The following TMOD1 variants were observed in gnomAD, a reference collection of about 807,000 sequenced individuals.
The protein encoded by TMOD1 is tropomodulin-1.
A neutral mutation model predicts 40.6 loss-of-function variants in TMOD1; 17 were observed. The ratio of observed to expected loss-of-function variants is 0.42; its 90% CI spans 0.29 to 0.63. The LOEUF (loss-of-function observed/expected upper bound fraction) is 0.63. Ranked by LOEUF, TMOD1 falls within the 20% of genes least tolerant of loss-of-function variation. The pLI is 0.22. For synonymous variants in TMOD1, 181 were observed against 175.0 expected, an observed-to-expected ratio of 1.03 and a Z score of -0.27; for missense variants, 391 against 447.6, an observed-to-expected ratio of 0.87 and a Z score of 1.14.
intron 4 of TMOD1, among the ~76,000 whole-genome samples, chr9:97,559,819 A>ATCTATCTATCTATCTATCTATC (rs1420899902): frequency 2.4e-5 from 1 of 41,330 alleles, no homozygotes; most frequent in African/African-American, 9.2e-5. Context: ...ATATATATAT[A>ATCTATCTATCTATCTATCTATC]TATATGTCTA....
At position 97,601,163 on chromosome 9, in the gene TMOD1, AT is replaced by A. The variant is rs968934473; in HGVS notation, c.*1466del. 1.5e-6 allele frequency: 2 copies of A among 1,301,760 alleles called. No homozygotes were observed. The highest frequency in any genetic ancestry group is 3.0e-5 in the African/African-American group (2 of 65,768). 80.6% of individuals were successfully genotyped at this position (1,301,760 alleles called of 1,614,324 possible). ...GTGGCACCATGTTGCAGGGACAACC[AT>A]CCCCATTTGGCTTCTCCTTAAAACA... is the stretch of plus-strand genomic sequence containing the variant. On this transcript the variant is annotated 3_prime_UTR_variant, in exon 10 of 10. Coordinates refer to ENST00000259365, the MANE Select transcript of TMOD1 (RefSeq NM_003275.4).
chr9:97,545,785 G>A (rs1830351106), intron 2 of TMOD1, among the ~76,000 whole-genome samples: 1 of 152,160 alleles, frequency 6.6e-6, no homozygotes. Context: ...CTCAACTCCT[G>A]TGAATATCTT....
At chr9:97,508,747 C>G (rs1026470665) in intron 1 of TMOD1, among the ~76,000 whole-genome samples, 1 of 152,084 alleles carries the variant, frequency 6.6e-6, no homozygotes, top group Admixed American at 6.5e-5. Context: ...CAGGGTCCCC[C>G]CCAAAAGTCA....
intron 1 of TMOD1, among the ~76,000 whole-genome samples, chr9:97,503,765 T>C (rs1258892356): frequency 6.6e-6 from 1 of 152,216 alleles, no homozygotes; most frequent in African/African-American, 2.4e-5. Context: ...GGAGGTGGAC[T>C]GGCCTGGAGG....
At chr9:97,538,786 G>A (rs1830229177) in intron 2 of TMOD1, among the ~76,000 whole-genome samples, 1 of 151,878 alleles carries the variant, frequency 6.6e-6, no homozygotes, top group South Asian at 2.1e-4. Context: ...CACGAGATCA[G>A]GAGTTTGACA....
At chr9:97,587,135 GGTTT>G (rs898424823) in intron 8 of TMOD1, among the ~76,000 whole-genome samples, 2 of 152,142 alleles carry the variant, frequency 1.3e-5, no homozygotes, top group African/African-American at 2.4e-5. Flanking sequence ...GATGTACCAG[GGTTT>G]GTTTGACCAC....
intron 2 of TMOD1, among the ~76,000 whole-genome samples, chr9:97,531,530 G>A (rs897527960): frequency 4.6e-5 from 7 of 152,146 alleles, no homozygotes; most frequent in Non-Finnish European, 7.3e-5. Context: ...AGAATTGTTC[G>A]GACCTGGGAG....
At chr9:97,545,393 C>G (rs992248452) in intron 2 of TMOD1, among the ~76,000 whole-genome samples, 1 of 152,214 alleles carries the variant, frequency 6.6e-6, no homozygotes, top group Non-Finnish European at 1.5e-5. Flanking sequence ...TCCAATCCCC[C>G]CAATAGGAAT....
intron 7 of TMOD1, among the ~76,000 whole-genome samples, chr9:97,567,271 T>A (rs1439987865): frequency 6.6e-6 from 1 of 152,156 alleles, no homozygotes; most frequent in Non-Finnish European, 1.5e-5. Flanking sequence ...ACCAAGCACA[T>A]CCATTCTGGC....
intron 9 of TMOD1, among the ~76,000 whole-genome samples, chr9:97,596,526 CAAG>C (rs1045634549): frequency 6.6e-5 from 10 of 152,342 alleles, no homozygotes; most frequent in African/African-American, 2.4e-4. Context: ...CCACACTTTA[CAAG>C]AAGGAAACAG....
chr9:97,556,201 C>T (rs1830534259), intron 4 of TMOD1, among the ~76,000 whole-genome samples: 1 of 152,122 alleles, frequency 6.6e-6, no homozygotes, highest in African/African-American at 2.4e-5. Context: ...TGCAGCTTCA[C>T]CAAGAGCCCA....
chr9:97,514,615 C>T (rs1383945004), intron 1 of TMOD1, among the ~76,000 whole-genome samples: 2 of 152,190 alleles, frequency 1.3e-5, no homozygotes, highest in African/African-American at 4.8e-5. Flanking sequence ...CTTCCCACTC[C>T]TGCTGGGCTG....
At chr9:97,516,249 T>C (rs918369541) in intron 1 of TMOD1, 4 of 151,954 alleles carry the variant, frequency 2.6e-5, no homozygotes, top group African/African-American at 9.7e-5. Flanking sequence ...GGCGCTGAGA[T>C]GTGCAGATGT....
At chr9:97,584,076 T>G (rs1399391466) in intron 8 of TMOD1, among the ~76,000 whole-genome samples, 1 of 149,894 alleles carries the variant, frequency 6.7e-6, no homozygotes, top group Non-Finnish European at 1.5e-5. Context: ...CTTTTCTAGT[T>G]CTTTTAATTG....
In TMOD1 at chr9:97,502,151, C is replaced by A. The variant is rs1280726697; in HGVS notation, c.-49+348C>A. Among the ~76,000 whole-genome samples, 1 of 151,922 alleles carries A rather than the reference C, an allele frequency of 6.6e-6. No individual in the cohort carries two copies. Among genetic ancestry groups the A allele is most frequent in the Non-Finnish European group, 1.5e-5 (1 of 67,950 alleles). On this transcript the variant is annotated intron_variant, in intron 1 of 9. Coordinates refer to ENST00000259365, the MANE Select transcript of TMOD1 (RefSeq NM_003275.4). This position sits in a 1 kb window ranked among gnomAD's most constrained non-coding sequence, Gnocchi z 6.1. Reference sequence around the variant, plus strand: ...GGGCTGGGGTCCTGGCGGAGGGGCGCCCCCGCCACCCGCAGGACTCCAGCG... The same window carrying A: ...GGGCTGGGGTCCTGGCGGAGGGGCGACCCCGCCACCCGCAGGACTCCAGCG...
In TMOD1 at chr9:97,524,827, A is replaced by G. The variant is rs139717994; in HGVS notation, c.120+519A>G. ...GGAGGAGGGTCAGCTTTTTTTCCCT[A>G]CTCAGGTCTTCAACTGATTGGATGC... On this transcript the variant is annotated intron_variant, in intron 2 of 9. Coordinates refer to ENST00000259365, the MANE Select transcript of TMOD1 (RefSeq NM_003275.4). Among the ~76,000 whole-genome samples the G allele has an allele frequency of 7.2e-4, 109 of 151,712 alleles. 1 individual carries two copies. The highest frequency in any genetic ancestry group is 2.5e-3 in the African/African-American group (105 of 41,334).
chr9:97,539,996 GA>G (rs1301297398), intron 2 of TMOD1, among the ~76,000 whole-genome samples: 2 of 136,668 alleles, frequency 1.5e-5, no homozygotes, highest in African/African-American at 5.4e-5. Context: ...AAAAAGAAAA[GA>G]AAAAAAGAAA....
intron 4 of TMOD1, among the ~76,000 whole-genome samples, chr9:97,558,171 T>C (rs1409783491): frequency 1.3e-5 from 2 of 152,254 alleles, no homozygotes; most frequent in African/African-American, 4.8e-5. Context: ...TAATTTCCTC[T>C]GAGCTGCAAA....
intron 9 of TMOD1, among the ~76,000 whole-genome samples, chr9:97,599,025 T>C (rs893745833): frequency 6.6e-6 from 1 of 152,222 alleles, no homozygotes; most frequent in Admixed American, 6.5e-5. Flanking sequence ...CTCATCATCC[T>C]TTAAGCTAAC....
Sources: gnomAD v4.1 joint callset for allele counts (sites outside exome capture counted in the v4.1 genomes callset) on GRCh38, gnomAD v4.1.1 for gene constraint, Gnocchi (gnomAD v3.1) non-coding constraint, MANE v1.5 for transcripts, NCBI Gene and HGNC (gene_info 2026-07-23, HGNC 2026-07-21) for gene names.